Variants in PCDH15 observed in about 807,000 individuals in gnomAD.
PCDH15 encodes the protein protocadherin related 15, also known as protocadherin-15.
A neutral mutation model predicts 178.5 loss-of-function variants in PCDH15; 129 were observed. The observed-to-expected ratio is 0.72, with a 90% CI of 0.63 to 0.84. The LOEUF is 0.84. Among genes scored for constraint, PCDH15 ranks in the 40% least tolerant of loss-of-function variants. PCDH15 has a pLI of 0.00. For synonymous variants in PCDH15, 800 were observed against 732.0 expected (o/e 1.09, Z -1.50); for missense variants, 2,230 against 2,099.9 (o/e 1.06, Z -1.21).
intron 2 of PCDH15, among the ~76,000 whole-genome samples, chr10:55,400,507 G>A (rs906643937): frequency 2.0e-5 from 3 of 151,982 alleles, no homozygotes; most frequent in African/African-American, 7.3e-5. Context: ...GTTATTTATG[G>A]CTTCTGTATT....
At chr10:54,580,004 C>T (rs115493758) in intron 2 of PCDH15, among the ~76,000 whole-genome samples, 2,258 of 152,108 alleles carry the variant, frequency 0.015, 55 homozygotes, top group African/African-American at 0.052. Context: ...CACTAAGTGT[C>T]TACATCAAGA....
chr10:54,923,862 C>A (rs568361899), intron 2 of PCDH15, among the ~76,000 whole-genome samples: 1 of 137,948 alleles, frequency 7.2e-6, no homozygotes, highest in African/African-American at 2.5e-5. Flanking sequence ...CTTCTGAGCC[C>A]TCCAAACGAT....
chr10:53,874,980 T>C (rs2080122978), intron 26 of PCDH15, among the ~76,000 whole-genome samples: 1 of 151,408 alleles, frequency 6.6e-6, no homozygotes, highest in Non-Finnish European at 1.5e-5. Context: ...AATTAGTAAA[T>C]GAAATGATAG....
chr10:54,430,262 G>C (rs1304924971), intron 3 of PCDH15, among the ~76,000 whole-genome samples: 1 of 149,798 alleles, frequency 6.7e-6, no homozygotes, highest in African/African-American at 2.5e-5. Flanking sequence ...CACCATGTTG[G>C]TCAGGTGGTC....
chr10:54,688,464 AATAAACAAT>A (rs1297420242), intron 1 of PCDH15, among the ~76,000 whole-genome samples: 9 of 152,174 alleles, frequency 5.9e-5, no homozygotes, highest in African/African-American at 2.2e-4. Context: ...ACAGAAGTAG[AATAAACAAT>A]ATAAACAATA....
At chr10:54,599,764 G>T in intron 2 of PCDH15, 1 of 507,488 alleles carries the variant, frequency 2.0e-6, no homozygotes, top group South Asian at 1.9e-5. Flanking sequence ...AGATGAGGGT[G>T]ATAAGTTAGA....
At chr10:54,692,442 A>C (rs2095138684) in intron 1 of PCDH15, among the ~76,000 whole-genome samples, 1 of 152,194 alleles carries the variant, frequency 6.6e-6, no homozygotes, top group African/African-American at 2.4e-5. Flanking sequence ...CAATCAAAAC[A>C]ACTTATCAGT....
chr10:54,668,515 G>C (rs2094607033), intron 1 of PCDH15, among the ~76,000 whole-genome samples: 1 of 152,012 alleles, frequency 6.6e-6, no homozygotes, highest in Non-Finnish European at 1.5e-5. Context: ...ACAGATTTCT[G>C]TCCATCTCTT....
chr10:55,288,521 A>G (rs1210968818), intron 1 of PCDH15, among the ~76,000 whole-genome samples: 3 of 151,902 alleles, frequency 2.0e-5, no homozygotes, highest in Admixed American at 6.6e-5. Context: ...TCTTTTAACT[A>G]ATATCTTCCT....
At chr10:55,312,462 C>T (rs572533547) in intron 1 of PCDH15, among the ~76,000 whole-genome samples, 1 of 152,000 alleles carries the variant, frequency 6.6e-6, no homozygotes, top group African/African-American at 2.4e-5. Context: ...TAGACAGCAA[C>T]CCACATTATG....
At chr10:54,001,234 C>A (rs1222191412) in intron 20 of PCDH15, among the ~76,000 whole-genome samples, 18 of 152,052 alleles carry the variant, frequency 1.2e-4, no homozygotes, top group Non-Finnish European at 1.5e-5. Flanking sequence ...AATAAGAAAT[C>A]ATCTGAAGAT....
intron 2 of PCDH15, among the ~76,000 whole-genome samples, chr10:55,096,463 C>A (rs1842452415): frequency 6.6e-6 from 1 of 152,028 alleles, no homozygotes; most frequent in Non-Finnish European, 1.5e-5. Context: ...ATATTTGTCA[C>A]CTAATATAGT....
At chr10:54,019,931 C>T (rs937919082) in intron 20 of PCDH15, among the ~76,000 whole-genome samples, 3 of 152,052 alleles carry the variant, frequency 2.0e-5, no homozygotes, top group Admixed American at 2.0e-4. Context: ...TGATGGAAGT[C>T]ACAGAGCTGA....
chr10:55,564,421 AT>A (rs1225323621), intron 2 of PCDH15, among the ~76,000 whole-genome samples: 1 of 151,682 alleles, frequency 6.6e-6, no homozygotes, highest in African/African-American at 2.4e-5. Context: ...AGGAATTTAA[AT>A]TTTCACTACA....
chr10:54,195,982 T>G, intron 10 of PCDH15, 93 bp from the exon 11 acceptor site: 1 of 1,098,280 alleles, frequency 9.1e-7, no homozygotes. Context: ...GGGTTCTCTT[T>G]TTAACTAATA....
At chr10:54,600,821 TG>T (rs2134074182) in intron 2 of PCDH15, 1 of 372,086 alleles carries the variant, frequency 2.7e-6, no homozygotes, top group East Asian at 6.8e-5. Context: ...GGAGACTGCA[TG>T]CAAGCTCAGT....
intron 2 of PCDH15, among the ~76,000 whole-genome samples, chr10:54,657,789 A>G (rs2094433587): frequency 6.6e-6 from 1 of 152,242 alleles, no homozygotes; most frequent in African/African-American, 2.4e-5. Flanking sequence ...CTAGCAGTAC[A>G]AAAAGGTAGT....
At chr10:53,996,548 G>T (rs1330540046) in intron 20 of PCDH15, among the ~76,000 whole-genome samples, 1 of 152,124 alleles carries the variant, frequency 6.6e-6, no homozygotes, top group Non-Finnish European at 1.5e-5. Flanking sequence ...CCCTGTCTTT[G>T]TGTCACTTAA....
intron 2 of PCDH15, among the ~76,000 whole-genome samples, chr10:55,348,507 T>C (rs1317892596): frequency 1.3e-5 from 2 of 152,122 alleles, no homozygotes; most frequent in African/African-American, 4.8e-5. Context: ...AACAAACCCC[T>C]GCTCACATAT....
Sources: gnomAD v4.1 joint callset for allele counts (sites outside exome capture counted in the v4.1 genomes callset) on GRCh38, gnomAD v4.1.1 for gene constraint, MANE v1.5 for transcripts, NCBI Gene and HGNC (gene_info 2026-07-23, HGNC 2026-07-21) for gene names.